The following SLC25A26 variants were observed in gnomAD, a reference collection of about 807,000 sequenced individuals.
SLC25A26 encodes solute carrier family 25 member 26.
SLC25A26 carries 36 observed loss-of-function variants against 37.8 expected under a neutral mutation model. The observed-to-expected ratio is 0.95, with a 90% CI of 0.73 to 1.26. SLC25A26 has a LOEUF of 1.26. SLC25A26 is among the 50% of genes most tolerant of loss of function. SLC25A26 has a pLI of 0.00. For missense variants in SLC25A26, 390 were observed against 331.1 expected (o/e 1.18, Z -1.38); for synonymous variants, 129 against 122.5 (o/e 1.05, Z -0.35).
chr3:66,300,257 T>TTTG (rs1553688710), intron 5 of SLC25A26, among the ~76,000 whole-genome samples: 9 of 118,790 alleles, frequency 7.6e-5, no homozygotes, highest in African/African-American at 4.3e-4. Flanking sequence ...TTTTGTTTTG[T>TTTG]TTTTTTTTTT....
chr3:66,257,015 A>G (rs1302800526), intron 3 of SLC25A26, among the ~76,000 whole-genome samples: 1 of 152,222 alleles, frequency 6.6e-6, no homozygotes, highest in Admixed American at 6.5e-5. Context: ...AAAATAATAC[A>G]CCAGCTGATT....
chr3:66,158,499 C>A (rs1412894734), intron 1 of SLC25A26, among the ~76,000 whole-genome samples: 2 of 152,092 alleles, frequency 1.3e-5, no homozygotes, highest in Non-Finnish European at 2.9e-5. Context: ...CATACATTAA[C>A]TCTATGTTGA....
intron 1 of SLC25A26, among the ~76,000 whole-genome samples, chr3:66,212,853 A>T (rs1179820010): frequency 2.0e-5 from 3 of 152,184 alleles, no homozygotes; most frequent in African/African-American, 7.2e-5. Flanking sequence ...ACTCTACCAT[A>T]TGTATAAATG....
Position 66,236,550 on chromosome 3 carries a change from G to C in SLC25A26, c.40G>C (p.Gly14Arg). 2 of 1,443,038 alleles carry C rather than the reference G, an allele frequency of 1.4e-6. No individual in the cohort carries two copies. The highest frequency in any genetic ancestry group is 1.8e-6 in the Non-Finnish European group (2 of 1,087,696). 89.4% of individuals were successfully genotyped at this position (1,443,038 alleles called of 1,614,324 possible). ...CCCTCTTTTTTTTTCAAAGGCTGGT[G>C]GGGTAGCAGGTGTTTCTGTTGACTT... ...PGFVAALVAGGVAGVSVDLIL... is the reference protein window; with the variant it reads ...PGFVAALVAGRVAGVSVDLIL... The change falls in exon 2 of 10, where the codon GGG (glycine) becomes CGG (arginine). Residue 14 changes from glycine (G) to arginine (R), a missense_variant. Transcript: ENST00000354883.
At chr3:66,250,247 C>T (rs1324297604) in intron 3 of SLC25A26, among the ~76,000 whole-genome samples, 1 of 152,106 alleles carries the variant, frequency 6.6e-6, no homozygotes, top group Admixed American at 6.5e-5. Context: ...ATGGTCCTTA[C>T]CTAGTGATGT....
intron 1 of SLC25A26, among the ~76,000 whole-genome samples, chr3:66,138,703 A>G (rs2069985963): frequency 6.6e-6 from 1 of 152,092 alleles, no homozygotes; most frequent in Non-Finnish European, 1.5e-5. Flanking sequence ...GAAGCAGTTA[A>G]GGAAGGAGGC....
At chr3:66,237,425 C>T (rs528581628) in intron 2 of SLC25A26, among the ~76,000 whole-genome samples, 2 of 152,324 alleles carry the variant, frequency 1.3e-5, no homozygotes, top group African/African-American at 4.8e-5. Flanking sequence ...TAATAACTTC[C>T]AAGGTGACTC....
At chr3:66,369,658 A>G (rs1194910661) in intron 8 of SLC25A26, 116 bp downstream of exon 8, 3 of 857,782 alleles carry the variant, frequency 3.5e-6, no homozygotes, top group Non-Finnish European at 5.6e-6. Context: ...ATAGCATCTT[A>G]TGCTGCCTGT....
intron 7 of SLC25A26, among the ~76,000 whole-genome samples, chr3:66,367,386 T>A (rs1379899708): frequency 1.3e-5 from 2 of 152,158 alleles, no homozygotes; most frequent in Non-Finnish European, 2.9e-5. Flanking sequence ...TTAGCCTCCA[T>A]AAGCCTCAGT....
intron 5 of SLC25A26, among the ~76,000 whole-genome samples, chr3:66,298,240 T>G (rs573346420): frequency 2.7e-4 from 41 of 152,300 alleles, no homozygotes; most frequent in African/African-American, 9.9e-4. Flanking sequence ...AAGAAGAGCT[T>G]AAATACCAAA....
At position 66,263,317 on chromosome 3, in the gene SLC25A26, G is replaced by GTGT; in HGVS notation, c.406-14_406-12dup. ...TGCCATTCTTTCTGAACTCTCGGCT[G>GTGT]TGTGTTTGTTTCAGGGTATCCAAGG... is the stretch of plus-strand genomic sequence containing the variant. On this transcript the variant is annotated splice_polypyrimidine_tract_variant and intron_variant, in intron 4 of 9. Transcript: ENST00000354883. The GTGT allele has an allele frequency of 3.1e-6, 5 of 1,608,010 alleles. No homozygotes were observed. Among genetic ancestry groups the GTGT allele is most frequent in the Non-Finnish European group, 4.3e-6 (5 of 1,175,394 alleles).
At chr3:66,349,604 T>G (rs28539341) in intron 6 of SLC25A26, among the ~76,000 whole-genome samples, 6,797 of 152,230 alleles carry the variant, frequency 0.045, 518 homozygotes, top group African/African-American at 0.15. Flanking sequence ...TTCACTAGTT[T>G]ATATACATTG....
At chr3:66,268,608 C>T (rs71306801) in intron 5 of SLC25A26, among the ~76,000 whole-genome samples, 15,278 of 152,174 alleles carry the variant, frequency 0.1, 1,007 homozygotes, top group Admixed American at 0.18. Flanking sequence ...TCACACAGTA[C>T]GTGCTCAGGA....
chr3:66,230,337 A>G (rs996576038), intron 1 of SLC25A26, among the ~76,000 whole-genome samples: 6 of 152,210 alleles, frequency 3.9e-5, no homozygotes, highest in Middle Eastern at 3.2e-3. Context: ...TCAAGGACAT[A>G]GCATTTAATT....
chr3:66,300,399 C>T (rs994605219), intron 5 of SLC25A26, among the ~76,000 whole-genome samples: 1 of 151,820 alleles, frequency 6.6e-6, no homozygotes, highest in Non-Finnish European at 1.5e-5. Context: ...ATGATTTGAA[C>T]TTTATTCTTT....
At chr3:66,368,540 T>C (rs1274675058) in intron 7 of SLC25A26, among the ~76,000 whole-genome samples, 6 of 152,140 alleles carry the variant, frequency 3.9e-5, no homozygotes, top group Admixed American at 2.6e-4. Context: ...GAAGAGAGCT[T>C]AGAAAGGTAA....
At chr3:66,180,797 C>T (rs1050527436) in intron 1 of SLC25A26, among the ~76,000 whole-genome samples, 8 of 152,110 alleles carry the variant, frequency 5.3e-5, no homozygotes, top group African/African-American at 7.2e-5. Flanking sequence ...TGGAATGAAA[C>T]GTGTCCCCCT....
intron 5 of SLC25A26, among the ~76,000 whole-genome samples, chr3:66,301,388 G>A (rs766198213): frequency 6.6e-6 from 1 of 152,158 alleles, no homozygotes; most frequent in Non-Finnish European, 1.5e-5. Flanking sequence ...CATCTTTGAT[G>A]GGCGTTAGAA....
At chr3:66,300,251 G>GGTTTTTTTTTT (rs1553688691) in intron 5 of SLC25A26, among the ~76,000 whole-genome samples, 6 of 111,608 alleles carry the variant, frequency 5.4e-5, no homozygotes, top group Non-Finnish European at 5.8e-5. Flanking sequence ...GGGTTTTTTT[G>GGTTTTTTTTTT]TTTTGTTTTT....
Sources: allele counts gnomAD v4.1 joint callset (sites outside exome capture counted in the v4.1 genomes callset), GRCh38; gene constraint gnomAD v4.1.1; transcripts MANE v1.5; gene names NCBI Gene and HGNC (gene_info 2026-07-23, HGNC 2026-07-21).